FARP2: variants seen among roughly 807,000 people sequenced by gnomAD.
FARP2 encodes FERM, ARH/RhoGEF and pleckstrin domain protein 2, also known as FERM, ARHGEF and pleckstrin domain-containing protein 2.
A neutral mutation model predicts 130.5 loss-of-function variants in FARP2; 111 were observed. The ratio of observed to expected loss-of-function variants is 0.85; its 90% CI spans 0.73 to 1.00. The LOEUF is 1.00. Ranked by LOEUF, FARP2 falls within the 50% of genes least tolerant of loss-of-function variation. FARP2 has a pLI of 0.00. For synonymous variants in FARP2, 504 were observed against 516.9 expected, an observed-to-expected ratio of 0.98 and a Z score of 0.34; for missense variants, 1,385 against 1,346.3, an observed-to-expected ratio of 1.03 and a Z score of -0.45.
At position 241,432,966 on chromosome 2, in the gene FARP2, C is replaced by T. The variant is rs892561466; in HGVS notation, c.867+1192C>T. Reference sequence around the variant, plus strand: ...CACTTGAGTAGTAGGGCTTTTGGTACACACTGGGTTCACGTGCTTTGTGTA... The same window carrying T: ...CACTTGAGTAGTAGGGCTTTTGGTATACACTGGGTTCACGTGCTTTGTGTA... On this transcript the variant is annotated intron_variant, in intron 9 of 26. Coordinates refer to ENST00000264042, the MANE Select transcript of FARP2 (RefSeq NM_014808.4). Among the ~76,000 whole-genome samples, 6 of 152,144 alleles carry T rather than the reference C, an allele frequency of 3.9e-5. No individual in the cohort carries two copies. In the South Asian group the frequency reaches 1.0e-3, roughly 26 times the overall value.
chr2:241,383,933 C>G (rs533408066), intron 2 of FARP2, among the ~76,000 whole-genome samples: 5 of 152,170 alleles, frequency 3.3e-5, no homozygotes, highest in African/African-American at 1.2e-4. Flanking sequence ...TTGCTATGTC[C>G]TGAAGGAATG....
intron 9 of FARP2, among the ~76,000 whole-genome samples, chr2:241,433,011 G>A (rs554851916): frequency 5.8e-4 from 89 of 152,290 alleles, no homozygotes; most frequent in African/African-American, 2.1e-3. Flanking sequence ...GCTTTTGGTA[G>A]AAGGCTTGAA....
intron 8 of FARP2, among the ~76,000 whole-genome samples, chr2:241,429,297 AC>A (rs1424206957): frequency 1.3e-5 from 2 of 151,912 alleles, no homozygotes; most frequent in African/African-American, 2.4e-5. Flanking sequence ...CAAATGCTGT[AC>A]CCAGGCATTA....
intron 1 of FARP2, among the ~76,000 whole-genome samples, chr2:241,370,039 T>C (rs1177123167): frequency 6.6e-6 from 1 of 152,092 alleles, no homozygotes; most frequent in Non-Finnish European, 1.5e-5. Context: ...GGAAGGGTAG[T>C]AGGGGGTGGG....
intron 1 of FARP2, among the ~76,000 whole-genome samples, chr2:241,364,955 C>T (rs1575450487): frequency 6.6e-6 from 1 of 152,074 alleles, no homozygotes; most frequent in African/African-American, 2.4e-5. Context: ...GGAGCCATGC[C>T]GGATATTAGT....
chr2:241,491,546 A>C lies in FARP2; in HGVS notation c.2654A>C (p.Glu885Ala), dbSNP rs1160883515. ...RSPNEVSLEQ[E>A]SEDDARGVRS... The stretch of plus-strand genomic sequence containing the variant: ...CCCAACGAGGTATCTCTGGAGCAGG[A>C]GTCAGAAGATGATGCTCGGGGTGTC... Residue 885 changes from glutamate (E) to alanine (A), a missense_variant, in exon 24 of 27, where the codon GAG becomes GCG. By Grantham distance (107) the Glu-to-Ala change is moderately radical. Transcript: ENST00000264042. 5 of 1,613,550 alleles carry C rather than the reference A, an allele frequency of 3.1e-6. No individual in the cohort carries two copies. In the African/African-American group the frequency reaches 6.7e-5, roughly 22 times the overall value.
At chr2:241,358,618 C>T (rs2150273140) in intron 1 of FARP2, among the ~76,000 whole-genome samples, 1 of 152,320 alleles carries the variant, frequency 6.6e-6, no homozygotes, top group African/African-American at 2.4e-5. Context: ...ACTTTCATAT[C>T]AGCTTGCCAG....
At chr2:241,434,529 GTTACGCTTACTACAAAGTATAACT>G (rs1424728571) in intron 10 of FARP2, among the ~76,000 whole-genome samples, 1 of 152,128 alleles carries the variant, frequency 6.6e-6, no homozygotes, top group Non-Finnish European at 1.5e-5. Flanking sequence ...TACAAATTCA[GTTACGCTTACTACAAAGTATAACT>G]TTAAAATATG....
intron 18 of FARP2, among the ~76,000 whole-genome samples, chr2:241,469,703 G>A (rs1386225439): frequency 6.6e-6 from 1 of 152,238 alleles, no homozygotes; most frequent in South Asian, 2.1e-4. Flanking sequence ...TAGGTAGGCA[G>A]AGTGCTGGAG....
intron 8 of FARP2, among the ~76,000 whole-genome samples, chr2:241,430,096 G>A (rs2063054005): frequency 6.6e-6 from 1 of 152,104 alleles, no homozygotes; most frequent in Non-Finnish European, 1.5e-5. Flanking sequence ...TTTAGTTTAT[G>A]TCACTGTGGA....
Position 241,448,759 on chromosome 2 carries a change from G to A in FARP2, c.1411+7203G>A, listed in dbSNP as rs190284228. Among the ~76,000 whole-genome samples, 45 of 152,372 alleles carry A rather than the reference G, an allele frequency of 3.0e-4. 1 individual carries two copies. Among genetic ancestry groups the A allele is most frequent in the Admixed American group, 2.6e-3 (40 of 15,304 alleles). On this transcript the variant is annotated intron_variant, in intron 13 of 26. Coordinates refer to ENST00000264042, the MANE Select transcript of FARP2 (RefSeq NM_014808.4). ...ACAAAGATTATTGGGAGCACTTCGT[G>A]TGTTGATACAGTTGTCTGAACCATG...
chr2:241,440,916 G>A (rs1054838643), intron 12 of FARP2, among the ~76,000 whole-genome samples: 14 of 152,264 alleles, frequency 9.2e-5, no homozygotes, highest in Admixed American at 1.3e-4. Context: ...GTTGGAAGGC[G>A]AAGATGGGTG....
intron 7 of FARP2, among the ~76,000 whole-genome samples, chr2:241,414,859 A>G (rs1257081035): frequency 6.6e-6 from 1 of 152,226 alleles, no homozygotes; most frequent in Non-Finnish European, 1.5e-5. Flanking sequence ...GAAGCATTCC[A>G]GGCAAAGCAC....
chr2:241,407,243 C>A (rs952232776), intron 4 of FARP2, among the ~76,000 whole-genome samples: 1 of 151,580 alleles, frequency 6.6e-6, no homozygotes, highest in Non-Finnish European at 1.5e-5. Flanking sequence ...TTCTTTTGTT[C>A]GGAGACAGGG....
At chr2:241,490,082 G>GA in intron 22 of FARP2, 38 bp downstream of exon 22, 1 of 1,468,634 alleles carries the variant, frequency 6.8e-7, no homozygotes. Context: ...AGCAGCCCTG[G>GA]ATGGAGGGGT....
At chr2:241,362,867 A>G (rs2061220838) in intron 1 of FARP2, among the ~76,000 whole-genome samples, 1 of 150,368 alleles carries the variant, frequency 6.7e-6, no homozygotes, top group Admixed American at 6.9e-5. Context: ...GGAAATAAAA[A>G]TCAATCCTCT....
At chr2:241,377,369 C>G (rs574237996) in intron 2 of FARP2, among the ~76,000 whole-genome samples, 82 of 144,344 alleles carry the variant, frequency 5.7e-4, no homozygotes, top group African/African-American at 2.0e-3. Context: ...GAGTCTCGCT[C>G]TGTCGCCCAG....
rs578259256 is a variant in FARP2 at position 241,370,954 on chromosome 2, T to C, written c.-24-2130T>C. On this transcript the variant is annotated intron_variant, in intron 1 of 26. Transcript: ENST00000264042. ...ACGTGCAGCTCAGGTAATAAATGTG[T>C]CAGTCAGTGGCTTTGTTTAGGAATT... is the stretch of plus-strand genomic sequence containing the variant. 1.7e-4 allele frequency among the ~76,000 whole-genome samples: 26 copies of C among 152,340 alleles called. No homozygotes were observed. The South Asian group carries it at 5.4e-3, about 32-fold the overall frequency.
In FARP2 at chr2:241,411,179, T is replaced by C. The variant is rs751096187; in HGVS notation, c.508+49T>C. On this transcript the variant is annotated intron_variant, in intron 6 of 26. Coordinates refer to ENST00000264042, the MANE Select transcript of FARP2 (RefSeq NM_014808.4). Reference sequence around the variant, plus strand: ...GAGCATTCACTGACCATGGCACAGATATACCCGCACTCAGAACTACAATTA... The same window carrying C: ...GAGCATTCACTGACCATGGCACAGACATACCCGCACTCAGAACTACAATTA... 17 of 1,284,764 alleles carry C rather than the reference T, an allele frequency of 1.3e-5. No individual in the cohort carries two copies. In the South Asian group the frequency reaches 1.8e-4, roughly 14 times the overall value. 79.6% of individuals were successfully genotyped at this position (1,284,764 alleles called of 1,614,324 possible).
Sources: allele counts gnomAD v4.1 joint callset (sites outside exome capture counted in the v4.1 genomes callset), GRCh38; gene constraint gnomAD v4.1.1; transcripts MANE v1.5; gene names NCBI Gene and HGNC (gene_info 2026-07-23, HGNC 2026-07-21).